The following ZFYVE19 variants were observed in gnomAD, a reference collection of about 807,000 sequenced individuals.
The protein encoded by ZFYVE19 is abscission/NoCut checkpoint regulator.
ZFYVE19 carries 49 observed loss-of-function variants against 62.8 expected under a neutral mutation model. That is an observed-to-expected ratio of 0.78 (90% CI 0.62 to 0.99). The LOEUF is 0.99. Ranked by LOEUF, ZFYVE19 falls within the 50% of genes least tolerant of loss-of-function variation. The pLI, the probability that ZFYVE19 is intolerant of heterozygous loss-of-function variation, is 0.00. For missense variants in ZFYVE19, 630 were observed against 601.9 expected (o/e 1.05, Z -0.49); for synonymous variants, 242 against 234.3 (o/e 1.03, Z -0.30).
intron 7 of ZFYVE19, 103 bp downstream of exon 7, chr15:40,813,005 G>A: frequency 7.6e-7 from 1 of 1,321,748 alleles, no homozygotes; most frequent in Non-Finnish European, 1.0e-6. Flanking sequence ...GATCTACTGA[G>A]CCCAGCCCAG....
At chr15:40,810,610 C>T in intron 5 of ZFYVE19, 39 bp from the exon 6 acceptor site, 1 of 1,550,160 alleles carries the variant, frequency 6.5e-7, no homozygotes, top group Non-Finnish European at 8.7e-7. Context: ...TGCTTCTGGG[C>T]TACCCCTGCT....
rs780664881 is a variant in ZFYVE19, at chr15:40,812,815, G to T, written c.943G>T (p.Glu315Ter). ...KSRLLAEAAL[E>*]LREENTRQER... ...CAGACTGCTGGCTGAGGCAGCACTT[G>T]AGTTGCGGGAGGAGAACACGAGGCA... Residue 315 changes from glutamate (E) to a stop codon, truncating the protein, a stop_gained, in exon 7 of 11, where the codon GAG becomes TAG. Transcript: ENST00000355341. LOFTEE classifies it high-confidence loss of function. 5.6e-6 allele frequency: 9 copies of T among 1,613,748 alleles called. No homozygotes were observed. The highest frequency in any genetic ancestry group is 6.8e-6 in the Non-Finnish European group (8 of 1,180,028).
In ZFYVE19 at chr15:40,809,885, C is replaced by G. The variant is rs1333220453; in HGVS notation, c.486C>G (p.Pro162=). The G allele has an allele frequency of 3.1e-6, 5 of 1,614,212 alleles. No homozygotes were observed. Among genetic ancestry groups the G allele is most frequent in the Admixed American group, 1.7e-5 (1 of 60,016 alleles). The change falls in exon 4 of 11, where the codon CCC becomes CCG. Residue 162 remains proline, a synonymous_variant. Coordinates refer to ENST00000355341, the MANE Select transcript of ZFYVE19 (RefSeq NM_001077268.2). ...CAGCCTTGGAAGCCAAGCAAAAGCC[C>G]AGCACTTCCCAGAGCCAGGGACTGA... ...RVAALEAKQK[P]STSQSQGLTR... is the part of the protein sequence containing the mutation.
In ZFYVE19 at chr15:40,810,763, C is replaced by T. The variant is rs753190056; in HGVS notation, c.826+6C>T. 76 of 1,555,370 alleles carry T rather than the reference C, an allele frequency of 4.9e-5. No individual in the cohort carries two copies. The highest frequency in any genetic ancestry group is 9.8e-5 in the Admixed American group (5 of 51,262). On this transcript the variant is annotated splice_donor_region_variant and intron_variant, in intron 6 of 10. Coordinates refer to ENST00000355341, the MANE Select transcript of ZFYVE19 (RefSeq NM_001077268.2). Reference sequence around the variant, plus strand: ...CTGGAAAGGAGGAGGCCCAGGTAACCCCTCCACTTGGCTCCCTAGGAATCT... The same window carrying T: ...CTGGAAAGGAGGAGGCCCAGGTAACTCCTCCACTTGGCTCCCTAGGAATCT...
At chr15:40,810,889 T>G in intron 6 of ZFYVE19, 132 bp downstream of exon 6, 1 of 1,222,568 alleles carries the variant, frequency 8.2e-7, no homozygotes, top group Middle Eastern at 2.0e-4. Flanking sequence ...TACCATTCAT[T>G]GAGTGCTTAC....
intron 1 of ZFYVE19, chr15:40,808,890 A>G (rs1396777387): frequency 1.6e-5 from 8 of 502,088 alleles, no homozygotes; most frequent in Admixed American, 3.4e-5. Context: ...AAGACAGGGT[A>G]GAAAGCATGG....
rs370140424 is a variant in ZFYVE19 at position 40,810,095 on chromosome 15, T to G, written c.596T>G (p.Ile199Arg). ...KPKLVPSQAEIEARLAALKDE... is the reference protein window; with the variant it reads ...KPKLVPSQAEREARLAALKDE... ...GAGTTAGTCCCCTCACAGGCAGAGA[T>G]AGAGGCACGGCTGGCTGCCCTAAAG... Residue 199 changes from isoleucine to arginine, a missense_variant, in exon 5 of 11, where the codon ATA becomes AGA. Physicochemically the swap from Ile to Arg is moderately conservative, Grantham distance 97. Coordinates refer to ENST00000355341, the MANE Select transcript of ZFYVE19 (RefSeq NM_001077268.2). The G allele has an allele frequency of 3.7e-6, 6 of 1,614,124 alleles. No individual in the cohort carries two copies. The Middle Eastern group carries it at 8.2e-4, about 222-fold the overall frequency.
chr15:40,810,333 T>C (rs879740152), intron 5 of ZFYVE19, 117 bp downstream of exon 5: 1 of 1,469,010 alleles, frequency 6.8e-7, no homozygotes, highest in Non-Finnish European at 9.1e-7. Context: ...TTACTTTTAA[T>C]TGCAAAAACC....
Position 40,807,506 on chromosome 15 carries a change from G to A in ZFYVE19, c.-84G>A. The stretch of plus-strand genomic sequence containing the variant: ...AAGAGTCTAAGCGCGCGTGAGGACT[G>A]CAGGCTCCGAGCGGCGCCTAGCCCT... On this transcript the variant is annotated 5_prime_UTR_variant, in exon 1 of 11. Coordinates refer to ENST00000355341, the MANE Select transcript of ZFYVE19 (RefSeq NM_001077268.2). The A allele has an allele frequency of 1.9e-6, 3 of 1,609,598 alleles. No homozygotes were observed. The highest frequency in any genetic ancestry group is 2.5e-6 in the Non-Finnish European group (3 of 1,176,696).
In ZFYVE19 at chr15:40,808,047, T is replaced by C. The variant is rs745989030; in HGVS notation, c.279+179T>C. ...GCTAACATTCTCTCGCTTTCAGGGT[T>C]TATGTGAGGGTCCACTGAAGTGCTT... On this transcript the variant is annotated intron_variant, in intron 1 of 10. Coordinates refer to ENST00000355341, the MANE Select transcript of ZFYVE19 (RefSeq NM_001077268.2). The C allele has an allele frequency of 2.5e-5, 26 of 1,057,414 alleles. No individual in the cohort carries two copies. The South Asian group carries it at 3.5e-4, about 14-fold the overall frequency. 65.5% of individuals were successfully genotyped at this position (1,057,414 alleles called of 1,614,324 possible). A position where few individuals can be genotyped will look rare whatever the true frequency, so the allele number is the denominator to read the frequency against.
chr15:40,811,600 G>GTGA (rs72292367), intron 6 of ZFYVE19, among the ~76,000 whole-genome samples: 3 of 60,472 alleles, frequency 5.0e-5, no homozygotes, highest in Non-Finnish European at 7.4e-5. Context: ...GAGGCCAGGT[G>GTGA]TGGCTCACGC....
Position 40,813,002 on chromosome 15 carries a change from T to C in ZFYVE19, c.1030+100T>C, listed in dbSNP as rs1347981756. ...GGGGTATTTGCGCCCAGAGATCTAC[T>C]GAGCCCAGCCCAGAGCCACAAGGAA... On this transcript the variant is annotated intron_variant, in intron 7 of 10. Coordinates refer to ENST00000355341, the MANE Select transcript of ZFYVE19 (RefSeq NM_001077268.2). 5 of 1,354,228 alleles carry C rather than the reference T, an allele frequency of 3.7e-6. No individual in the cohort carries two copies. In the African/African-American group the frequency reaches 7.2e-5, roughly 19 times the overall value. The allele number at this position is 1,354,228 out of a possible 1,614,324, so 83.9% of individuals were successfully genotyped here. A position where few individuals can be genotyped will look rare whatever the true frequency, so the allele number is the denominator to read the frequency against.
In ZFYVE19 at chr15:40,807,726, A is replaced by C. The variant is rs764749882; in HGVS notation, c.137A>C (p.Glu46Ala). 6.3e-7 allele frequency: 1 copy of C among 1,598,768 alleles called. No homozygotes were observed. Among genetic ancestry groups the C allele is most frequent in the Non-Finnish European group, 8.5e-7 (1 of 1,174,562 alleles). Residue 46 changes from glutamate to alanine, a missense_variant, in exon 1 of 11, where the codon GAA becomes GCA. By Grantham distance (107) the Glu-to-Ala change is moderately radical. Coordinates refer to ENST00000355341, the MANE Select transcript of ZFYVE19 (RefSeq NM_001077268.2). ...GVWGGAGQGR[E>A]GRSWGEGPRG... The stretch of plus-strand genomic sequence containing the variant: ...TGGGGCGGGGCAGGGCAGGGAAGGG[A>C]AGGGCGGAGCTGGGGTGAGGGTCCA...
chr15:40,808,957 C>G, intron 1 of ZFYVE19, 162 bp from the exon 2 acceptor site: 1 of 840,304 alleles, frequency 1.2e-6, no homozygotes, highest in South Asian at 1.7e-5. Flanking sequence ...CGAGGAATTG[C>G]TTTACTCACC....
rs1890431988 is a variant in ZFYVE19, at chr15:40,810,077, T to A, written c.578T>A (p.Val193Asp). ...RLRQENKPKL[V>D]PSQAEIEARL... ...CCCCCCATGCCAATTGCAGAGTTAG[T>A]CCCCTCACAGGCAGAGATAGAGGCA... The change falls in exon 5 of 11, where the codon GTC becomes GAC. Residue 193 changes from valine (V) to aspartate (D), a missense_variant. Val to Asp is a radical substitution (Grantham distance 152). Transcript: ENST00000355341. The A allele has an allele frequency of 6.2e-7, 1 of 1,613,990 alleles. No individual in the cohort carries two copies. Among genetic ancestry groups the A allele is most frequent in the African/African-American group, 1.3e-5 (1 of 74,894 alleles).
chr15:40,813,787 G>A lies in ZFYVE19; in HGVS notation c.1185G>A (p.Thr395=), dbSNP rs558357063. The change falls in exon 9 of 11, where the codon ACG becomes ACA. Residue 395 remains threonine (T), a synonymous_variant. Coordinates refer to ENST00000355341, the MANE Select transcript of ZFYVE19 (RefSeq NM_001077268.2). ...IPAEQASRPW[T]QPRGAEPEAQ... ...CAGAGCAGGCTTCTCGACCCTGGACGCAACCCCGCGGGGCAGAGCCTGAGG... is the reference window on the plus strand; with the variant it reads ...CAGAGCAGGCTTCTCGACCCTGGACACAACCCCGCGGGGCAGAGCCTGAGG... 1.1e-5 allele frequency: 18 copies of A among 1,614,018 alleles called. No individual in the cohort carries two copies. Among genetic ancestry groups the A allele is most frequent in the Admixed American group, 1.7e-5 (1 of 59,980 alleles).
chr15:40,809,677 GGCTGGTCA>G (rs1404001894), intron 3 of ZFYVE19, among the ~76,000 whole-genome samples, 167 bp from the exon 4 acceptor site: 2 of 152,190 alleles, frequency 1.3e-5, no homozygotes, highest in Non-Finnish European at 2.9e-5. Flanking sequence ...TGGACCGTCT[GGCTGGTCA>G]GCCAGGTTGG....
intron 1 of ZFYVE19, chr15:40,808,853 C>G: frequency 4.8e-6 from 2 of 413,814 alleles, no homozygotes; most frequent in South Asian, 5.3e-5. Context: ...ATCTATCTGT[C>G]TTCTACATCC....
At chr15:40,811,599 T>TGTG (rs3986312) in intron 6 of ZFYVE19, among the ~76,000 whole-genome samples, 56,457 of 151,904 alleles carry the variant, frequency 0.37, 10,698 homozygotes, top group South Asian at 0.46. Context: ...TGAGGCCAGG[T>TGTG]GTGGCTCACG....
Sources: allele counts gnomAD v4.1 joint callset (sites outside exome capture counted in the v4.1 genomes callset), GRCh38; gene constraint gnomAD v4.1.1; transcripts MANE v1.5; gene names NCBI Gene and HGNC (gene_info 2026-07-23, HGNC 2026-07-21).